Variants in EXOG observed in about 807,000 individuals in gnomAD.
EXOG encodes the protein nuclease EXOG, mitochondrial.
Under a neutral mutation model 25.8 loss-of-function variants are expected in EXOG, and 27 were observed. The observed-to-expected ratio is 1.05, with a 90% confidence interval of 0.77 to 1.45. The LOEUF (loss-of-function observed/expected upper bound fraction) is 1.45, where lower values mean the gene tolerates loss of function less well. EXOG is among the 40% of genes most tolerant of loss of function. EXOG has a pLI of 0.00. For synonymous variants in EXOG, 133 were observed against 167.0 expected (o/e 0.80, Z 1.57); for missense variants, 458 against 450.5 (o/e 1.02, Z -0.15).
chr3:38,496,789 C>T, intron 1 of EXOG: 7 of 1,454,634 alleles, frequency 4.8e-6, no homozygotes, highest in Non-Finnish European at 5.5e-6. Flanking sequence ...GACTTTCTTC[C>T]CCCCAGTTAC....
intron 5 of EXOG, among the ~76,000 whole-genome samples, chr3:38,511,564 A>G (rs1481080969): frequency 6.6e-6 from 1 of 152,242 alleles, no homozygotes; most frequent in East Asian, 1.9e-4. Context: ...TTATCAAAGC[A>G]TGGGACAGGG....
chr3:38,517,574 A>T (rs1482876741), intron 5 of EXOG, among the ~76,000 whole-genome samples: 1 of 152,174 alleles, frequency 6.6e-6, no homozygotes, highest in East Asian at 1.9e-4. Flanking sequence ...AGGTGTGTTC[A>T]CCACATTTAT....
In EXOG at chr3:38,525,058, C is replaced by G. The variant is rs901609860; in HGVS notation, c.*696C>G. The stretch of plus-strand genomic sequence containing the variant: ...TCCTCTCATGAATCTGCTCGTTTCT[C>G]TACTTCTGTCTACGTAGAAGCACTC... On this transcript the variant is annotated 3_prime_UTR_variant, in exon 6 of 6. Transcript: ENST00000287675. 29 of 985,092 alleles carry G rather than the reference C, an allele frequency of 2.9e-5. No individual in the cohort carries two copies. The highest frequency in any genetic ancestry group is 3.5e-5 in the Non-Finnish European group (29 of 829,758). The allele number at this position is 985,092 out of a possible 1,614,324, so 61.0% of individuals were successfully genotyped here. A position where few individuals can be genotyped will look rare whatever the true frequency, so the allele number is the denominator to read the frequency against.
At position 38,496,513 on chromosome 3, in the gene EXOG, C is replaced by G. The variant is rs373135233; in HGVS notation, c.146C>G (p.Thr49Arg). The G allele has an allele frequency of 3.4e-5, 55 of 1,612,398 alleles. No homozygotes were observed. In the South Asian group the frequency reaches 4.5e-4, roughly 13 times the overall value. ...AGTCAGGGCGCTGAGGGAGCGTTGA[C>G]AGGGAAGCAGCCGGATGGTAAGTCT... The part of the protein sequence containing the change: ...FRSQGAEGAL[T>R]GKQPDGSAEK... Residue 49 changes from threonine to arginine, a missense_variant, in exon 1 of 6, where the codon ACA (threonine) becomes AGA (arginine). Transcript: ENST00000287675.
intron 5 of EXOG, among the ~76,000 whole-genome samples, chr3:38,519,726 G>T (rs1358349806): frequency 6.6e-6 from 1 of 152,120 alleles, no homozygotes; most frequent in Non-Finnish European, 1.5e-5. Flanking sequence ...GACTTAGTAG[G>T]CTGCTACCCT....
Position 38,501,355 on chromosome 3 carries a change from G to T in EXOG, c.314G>T (p.Gly105Val). 7 of 1,613,094 alleles carry T rather than the reference G, an allele frequency of 4.3e-6. No homozygotes were observed. Among genetic ancestry groups the T allele is most frequent in the Non-Finnish European group, 5.1e-6 (6 of 1,179,208 alleles). Residue 105 changes from glycine to valine, a missense_variant and splice_region_variant, in exon 3 of 6, where the codon GGT (glycine) becomes GTT (valine). Transcript: ENST00000287675. ...LEHISKSKIM[G>V]DADRKHCKFK... ...ATCCATTTTGTGTGTTTTTCTTCAG[G>T]TGATGCAGACAGAAAGCATTGTAAA...
chr3:38,518,467 C>A (rs748530691), intron 5 of EXOG, among the ~76,000 whole-genome samples: 1 of 152,168 alleles, frequency 6.6e-6, no homozygotes, highest in Non-Finnish European at 1.5e-5. Flanking sequence ...TCTCAAGCAA[C>A]GAATAATTTG....
Position 38,496,399 on chromosome 3 carries a change from G to A in EXOG, c.32G>A (p.Arg11Gln). Residue 11 changes from arginine (R) to glutamine (Q), a missense_variant, in exon 1 of 6, where the codon CGG becomes CAG. By Grantham distance (43) the Arg-to-Gln change is conservative (BLOSUM62 1). Around this residue, in one of 3 missense-constraint regions of EXOG, gnomAD observed 275 missense variants for 230.5 expected, o/e 1.19. Coordinates refer to ENST00000287675, the MANE Select transcript of EXOG (RefSeq NM_005107.4). MAIKSIASRL[R>Q]GSRRFLSGFV... The stretch of plus-strand genomic sequence containing the variant: ...ATCAAGAGTATCGCTTCCCGCCTCC[G>A]GGGTTCCCGTCGTTTTCTGAGCGGC... 1 of 1,613,984 alleles carries A rather than the reference G, an allele frequency of 6.2e-7. No individual in the cohort carries two copies. The highest frequency in any genetic ancestry group is 1.3e-5 in the African/African-American group (1 of 75,054).
chr3:38,526,031 A>C lies in EXOG; in HGVS notation c.*1669A>C. ...CTGTGTGCCTGCTTGTCTACCTAGC[A>C]TAGTAGGCCAAAGGTCCAAAGGCAT... is the stretch of plus-strand genomic sequence containing the variant. On this transcript the variant is annotated 3_prime_UTR_variant, in exon 6 of 6. Transcript: ENST00000287675. 1.0e-6 allele frequency: 1 copy of C among 985,440 alleles called. No individual in the cohort carries two copies. The highest frequency in any genetic ancestry group is 1.2e-6 in the Non-Finnish European group (1 of 829,908). The allele number at this position is 985,440 out of a possible 1,614,324, so 61.0% of individuals were successfully genotyped here. A position where few individuals can be genotyped will look rare whatever the true frequency, so the allele number is the denominator to read the frequency against.
chr3:38,524,431 T>C lies in EXOG; in HGVS notation c.*69T>C, dbSNP rs2060823435. On this transcript the variant is annotated 3_prime_UTR_variant, in exon 6 of 6. Coordinates refer to ENST00000287675, the MANE Select transcript of EXOG (RefSeq NM_005107.4). ...ATGCCCTCTTTAGGCTAACATATTT[T>C]AGTGGCTTTGCTTTTTGCTTTTTAA... is the stretch of plus-strand genomic sequence containing the variant. The C allele has an allele frequency of 5.3e-6, 8 of 1,501,262 alleles. No homozygotes were observed. The highest frequency in any genetic ancestry group is 2.4e-5 in the Admixed American group (1 of 41,296). The allele number at this position is 1,501,262 out of a possible 1,614,324, so 93.0% of individuals were successfully genotyped here.
chr3:38,502,044 TC>T (rs2125755296), intron 3 of EXOG, among the ~76,000 whole-genome samples: 1 of 152,276 alleles, frequency 6.6e-6, no homozygotes, highest in Admixed American at 6.5e-5. Context: ...TGCCTCAGCC[TC>T]CCGAGTAGCT....
At chr3:38,501,749 T>G (rs2060051246) in intron 3 of EXOG, among the ~76,000 whole-genome samples, 1 of 152,178 alleles carries the variant, frequency 6.6e-6, no homozygotes, top group Non-Finnish European at 1.5e-5. Flanking sequence ...CTTTTATTTA[T>G]TTATTTTTTT....
In EXOG at chr3:38,525,564, C is replaced by A; in HGVS notation, c.*1202C>A. The A allele has an allele frequency of 2.0e-6, 2 of 985,164 alleles. No individual in the cohort carries two copies. The highest frequency in any genetic ancestry group is 9.4e-5 in the South Asian group (2 of 21,276). 61.0% of individuals were successfully genotyped at this position (985,164 alleles called of 1,614,324 possible). On this transcript the variant is annotated 3_prime_UTR_variant, in exon 6 of 6. Transcript: ENST00000287675. ...GAGCCCATGCTTGCCTCCAGAGATA[C>A]AGTTCTTTTAGTGACCAGATACTGC...
chr3:38,502,299 A>T (rs552028854), intron 3 of EXOG, among the ~76,000 whole-genome samples: 3 of 152,220 alleles, frequency 2.0e-5, no homozygotes, highest in Non-Finnish European at 4.4e-5. Context: ...GTGGAATCAT[A>T]GCTTACTGTA....
intron 4 of EXOG, chr3:38,505,513 G>C (rs976167502): frequency 6.6e-6 from 1 of 152,124 alleles, no homozygotes; most frequent in Non-Finnish European, 1.5e-5. Flanking sequence ...TGGGAGTAGA[G>C]AAGGAACAAA....
At chr3:38,500,395 A>G (rs139635436) in intron 2 of EXOG, among the ~76,000 whole-genome samples, 97 of 152,334 alleles carry the variant, frequency 6.4e-4, no homozygotes, top group African/African-American at 2.3e-3. Context: ...GCCAAAGATA[A>G]CTAGCTGTAG....
chr3:38,496,888 A>G lies in EXOG; in HGVS notation c.163+358A>G, dbSNP rs150273290. The G allele has an allele frequency of 6.0e-4, 748 of 1,242,942 alleles. 2 individuals are homozygous for G. Among genetic ancestry groups the G allele is most frequent in the Middle Eastern group, 4.6e-3 (22 of 4,750 alleles). 77.0% of individuals were successfully genotyped at this position (1,242,942 alleles called of 1,614,324 possible). On this transcript the variant is annotated intron_variant, in intron 1 of 5. Coordinates refer to ENST00000287675, the MANE Select transcript of EXOG (RefSeq NM_005107.4). ...TGAGACTATGTCTGTTTTGGTCTCCATCATCTAACCAGCACAGTACCTGGT... is the reference window on the plus strand; with the variant it reads ...TGAGACTATGTCTGTTTTGGTCTCCGTCATCTAACCAGCACAGTACCTGGT...
chr3:38,502,951 C>T (rs982405702), intron 3 of EXOG, among the ~76,000 whole-genome samples: 4 of 152,144 alleles, frequency 2.6e-5, no homozygotes, highest in African/African-American at 2.4e-5. Context: ...AGTCCTGATG[C>T]CCAGACCTGA....
At chr3:38,511,966 G>A (rs1365107155) in intron 5 of EXOG, among the ~76,000 whole-genome samples, 1 of 152,166 alleles carries the variant, frequency 6.6e-6, no homozygotes, top group Non-Finnish European at 1.5e-5. Context: ...ATTCTTTGGT[G>A]CATGTACTCA....
Sources: allele counts gnomAD v4.1 joint callset (sites outside exome capture counted in the v4.1 genomes callset), GRCh38; gene constraint gnomAD v4.1.1; regional missense constraint gnomAD v4.1.1; transcripts MANE v1.5; gene names NCBI Gene and HGNC (gene_info 2026-07-23, HGNC 2026-07-21).